Variants in KAT2B observed in about 807,000 individuals in gnomAD.
The protein encoded by KAT2B is lysine acetyltransferase 2B.
KAT2B carries 36 observed loss-of-function variants against 105.9 expected under a neutral mutation model. The ratio of observed to expected loss-of-function variants is 0.34; its 90% CI spans 0.26 to 0.45. KAT2B has a LOEUF of 0.45. KAT2B is among the 20% of genes least tolerant of loss of function. The pLI, the probability that KAT2B is intolerant of heterozygous loss-of-function variation, is 1.00. For missense variants in KAT2B, 820 were observed against 1,021.6 expected, an observed-to-expected ratio of 0.80 and a Z score of 2.69; for synonymous variants, 397 against 377.9, an observed-to-expected ratio of 1.05 and a Z score of -0.59.
At chr3:20,053,290 T>A (rs927232087) in intron 1 of KAT2B, among the ~76,000 whole-genome samples, 2 of 152,142 alleles carry the variant, frequency 1.3e-5, no homozygotes, top group African/African-American at 4.8e-5. Flanking sequence ...GGGATCCTAC[T>A]TTTGGGTGGC....
rs575955278 is a variant in KAT2B at position 20,087,895 on chromosome 3, T to A, written c.431-7368T>A. 2.0e-4 allele frequency among the ~76,000 whole-genome samples: 30 copies of A among 152,248 alleles called. No individual in the cohort carries two copies. In the South Asian group the frequency reaches 4.6e-3, roughly 23 times the overall value. On this transcript the variant is annotated intron_variant, in intron 2 of 17. Coordinates refer to ENST00000263754, the MANE Select transcript of KAT2B (RefSeq NM_003884.5). ...GCTCAAGGGATCCTCTTGCCTTAGGTTGCTAAGTAACTAGGGCTACAGATC... is the reference window on the plus strand; with the variant it reads ...GCTCAAGGGATCCTCTTGCCTTAGGATGCTAAGTAACTAGGGCTACAGATC...
chr3:20,072,222 AG>A, intron 1 of KAT2B, 110 bp from the exon 2 acceptor site: 1 of 1,119,078 alleles, frequency 8.9e-7, no homozygotes, highest in South Asian at 1.4e-5. Flanking sequence ...CGACAAAGTC[AG>A]GGGTGAGGGG....
chr3:20,045,799 A>G (rs947911934), intron 1 of KAT2B, among the ~76,000 whole-genome samples: 1 of 152,170 alleles, frequency 6.6e-6, no homozygotes, highest in Non-Finnish European at 1.5e-5. Context: ...TTAAGCCTTT[A>G]TTTCCCTGTC....
intron 14 of KAT2B, among the ~76,000 whole-genome samples, chr3:20,146,852 T>G (rs150426554): frequency 6.6e-6 from 1 of 152,208 alleles, no homozygotes; most frequent in Non-Finnish European, 1.5e-5. Context: ...CCGAACACCT[T>G]ACTGTTTGCA....
At chr3:20,151,727 GCTTA>G (rs1353839166) in intron 17 of KAT2B, among the ~76,000 whole-genome samples, 1 of 152,060 alleles carries the variant, frequency 6.6e-6, no homozygotes, top group African/African-American at 2.4e-5. Flanking sequence ...GTCTCACAAG[GCTTA>G]CTTGCTTTAG....
chr3:20,139,103 G>A (rs1380332894), intron 12 of KAT2B, among the ~76,000 whole-genome samples: 1 of 151,836 alleles, frequency 6.6e-6, no homozygotes, highest in African/African-American at 2.4e-5. Context: ...GGGGTTGGGA[G>A]AGAATCTTGC....
chr3:20,065,325 C>T (rs1032197881), intron 1 of KAT2B, among the ~76,000 whole-genome samples: 1 of 152,164 alleles, frequency 6.6e-6, no homozygotes, highest in African/African-American at 2.4e-5. Context: ...TGTCCTTCAG[C>T]TGGTACTTCA....
rs1164355886 is a variant in KAT2B, at chr3:20,062,182, A to ATATATAAAATATATATATTT, written c.304-10136_304-10117dup. ...TAATATATAATATATATAATATATAATATATAAAATATATATATTTTATAT... is the reference window on the plus strand; with the variant it reads ...TAATATATAATATATATAATATATAATATATAAAATATATATATTTTATATAAAATATATATATTTTATAT... On this transcript the variant is annotated intron_variant, in intron 1 of 17. Transcript: ENST00000263754. Among the ~76,000 whole-genome samples the ATATATAAAATATATATATTT allele has an allele frequency of 1.4e-4, 10 of 71,052 alleles. 2 individuals carry two copies. Among genetic ancestry groups the ATATATAAAATATATATATTT allele is most frequent in the South Asian group, 1.2e-3 (3 of 2,420 alleles). 46.6% of individuals were successfully genotyped at this position (71,052 alleles called of 152,430 possible). A position where few individuals can be genotyped will look rare whatever the true frequency, so the allele number is the denominator to read the frequency against.
intron 2 of KAT2B, among the ~76,000 whole-genome samples, chr3:20,089,399 C>CTTTTTT (rs60958319): frequency 1.6e-5 from 2 of 124,064 alleles, no homozygotes; most frequent in Non-Finnish European, 1.6e-5. Flanking sequence ...GTCTTCTTCA[C>CTTTTTT]TTTTTTTTTT....
intron 14 of KAT2B, among the ~76,000 whole-genome samples, chr3:20,147,340 G>A (rs1395484742): frequency 6.6e-6 from 1 of 151,076 alleles, no homozygotes; most frequent in Non-Finnish European, 1.5e-5. Context: ...CTTGTGCCAC[G>A]CATTTATCTG....
chr3:20,059,956 G>A (rs1404395301), intron 1 of KAT2B, among the ~76,000 whole-genome samples: 1 of 152,090 alleles, frequency 6.6e-6, no homozygotes, highest in African/African-American at 2.4e-5. Flanking sequence ...GCCTTTTCTG[G>A]ATGGTCATGT....
intron 1 of KAT2B, among the ~76,000 whole-genome samples, chr3:20,048,783 G>C (rs1308552190): frequency 6.6e-6 from 1 of 152,184 alleles, no homozygotes; most frequent in Non-Finnish European, 1.5e-5. Flanking sequence ...CGGGGAATTA[G>C]AACAGGCACA....
chr3:20,058,378 C>A (rs1034657653), intron 1 of KAT2B, among the ~76,000 whole-genome samples: 1 of 145,760 alleles, frequency 6.9e-6, no homozygotes, highest in Non-Finnish European at 1.5e-5. Context: ...TTGCTTGAAC[C>A]TGGGAGGCGG....
chr3:20,062,263 TATAATATATAATATATAAA>T lies in KAT2B; in HGVS notation c.304-10066_304-10048del, dbSNP rs1384265483. The stretch of plus-strand genomic sequence containing the variant: ...AATATATAATATATAAAATATGATA[TATAATATATAATATATAAA>T]ATATAATATATAATATATAAAATAT... On this transcript the variant is annotated intron_variant, in intron 1 of 17. Transcript: ENST00000263754. 9.8e-4 allele frequency among the ~76,000 whole-genome samples: 51 copies of T among 51,990 alleles called. 6 individuals carry two copies. Among genetic ancestry groups the T allele is most frequent in the Non-Finnish European group, 1.7e-3 (37 of 22,224 alleles). 34.1% of individuals were successfully genotyped at this position (51,990 alleles called of 152,430 possible). A position where few individuals can be genotyped will look rare whatever the true frequency, so the allele number is the denominator to read the frequency against.
At chr3:20,087,168 A>T (rs75616454) in intron 2 of KAT2B, among the ~76,000 whole-genome samples, 16,586 of 152,242 alleles carry the variant, frequency 0.11, 1,157 homozygotes, top group Admixed American at 0.16. Context: ...GTGGTTAACA[A>T]TAATATCTAG....
chr3:20,070,007 A>G lies in KAT2B; in HGVS notation c.304-2326A>G, dbSNP rs564123887. Among the ~76,000 whole-genome samples the G allele has an allele frequency of 2.0e-5, 3 of 152,306 alleles. No individual in the cohort carries two copies. In the South Asian group the frequency reaches 6.2e-4, roughly 32 times the overall value. ...TGGATGGTTCATTACAGAGAATTTCAAGGCCAGGTTCAGCCTGGCAACAGA... is the reference window on the plus strand; with the variant it reads ...TGGATGGTTCATTACAGAGAATTTCGAGGCCAGGTTCAGCCTGGCAACAGA... On this transcript the variant is annotated intron_variant, in intron 1 of 17. Transcript: ENST00000263754.
chr3:20,139,528 A>G (rs2125191113), intron 12 of KAT2B, among the ~76,000 whole-genome samples: 1 of 152,216 alleles, frequency 6.6e-6, no homozygotes, highest in Non-Finnish European at 1.5e-5. Flanking sequence ...GAGGCAGTGA[A>G]CTGCTGGCGA....
At chr3:20,135,194 G>T (rs908175072) in intron 11 of KAT2B, among the ~76,000 whole-genome samples, 1 of 152,184 alleles carries the variant, frequency 6.6e-6, no homozygotes, top group African/African-American at 2.4e-5. Flanking sequence ...TTTGGGAAAA[G>T]TTAAAAGCTA....
chr3:20,114,888 G>A lies in KAT2B; in HGVS notation c.1050G>A (p.Leu350=), dbSNP rs777985994. 4 of 1,577,520 alleles carry A rather than the reference G, an allele frequency of 2.5e-6. No individual in the cohort carries two copies. Among genetic ancestry groups the A allele is most frequent in the African/African-American group, 2.7e-5 (2 of 74,086 alleles). The change falls in exon 7 of 18, where the codon CTG becomes CTA. Residue 350 remains leucine, a synonymous_variant. Transcript: ENST00000263754. ...CTATTACTCTTGTGTCTAGATTTCT[G>A]TCCATGCTAGAAGAAGAAGTATATA... The part of the protein sequence containing the change: ...TLILTHFPKF[L]SMLEEEVYSQ...
Sources: allele counts gnomAD v4.1 joint callset (sites outside exome capture counted in the v4.1 genomes callset), GRCh38; gene constraint gnomAD v4.1.1; transcripts MANE v1.5; gene names NCBI Gene and HGNC (gene_info 2026-07-23, HGNC 2026-07-21).